The following RBFOX1 variants were observed in gnomAD, a reference collection of about 807,000 sequenced individuals.
RBFOX1 encodes RNA binding protein fox-1 homolog 1.
In RBFOX1, 8 loss-of-function variants were observed where a neutral mutation model predicts 57.7. The ratio of observed to expected loss-of-function variants is 0.14; its 90% CI spans 0.08 to 0.25. The LOEUF (loss-of-function observed/expected upper bound fraction) is 0.25. RBFOX1 is among the 10% of genes least tolerant of loss of function. RBFOX1 has a pLI of 1.00. For synonymous variants in RBFOX1, 326 were observed against 222.4 expected, an observed-to-expected ratio of 1.47 and a Z score of -4.15; for missense variants, 611 against 548.5, an observed-to-expected ratio of 1.11 and a Z score of -1.14.
At chr16:7,309,859 T>C (rs150495615) in intron 4 of RBFOX1, among the ~76,000 whole-genome samples, 6 of 152,088 alleles carry the variant, frequency 3.9e-5, no homozygotes, top group African/African-American at 1.4e-4. Flanking sequence ...AGCTGACAGG[T>C]GTGGGTGTAA....
chr16:7,508,510 G>GT (rs1567576854), intron 4 of RBFOX1, among the ~76,000 whole-genome samples: 1 of 152,122 alleles, frequency 6.6e-6, no homozygotes, highest in Admixed American at 6.6e-5. Flanking sequence ...TGTTTATGTG[G>GT]TTAGAGAGGG....
At chr16:5,891,492 T>C (rs1377811988) in intron 4 of RBFOX1, among the ~76,000 whole-genome samples, 1 of 152,224 alleles carries the variant, frequency 6.6e-6, no homozygotes, top group East Asian at 1.9e-4. Context: ...ACAAACTAAT[T>C]GTTTCAGTCA....
chr16:6,215,938 A>G (rs1335141129), intron 1 of RBFOX1, among the ~76,000 whole-genome samples: 3 of 152,186 alleles, frequency 2.0e-5, no homozygotes, highest in Non-Finnish European at 2.9e-5. Context: ...TCTAACTGGG[A>G]AGATCACAGC....
At chr16:5,979,389 A>C in intron 4 of RBFOX1, among the ~76,000 whole-genome samples, 1 of 152,256 alleles carries the variant, frequency 6.6e-6, no homozygotes. Context: ...TTATTTTGTT[A>C]TTTCCTTCTT....
chr16:6,214,557 G>GA (rs2097319789), intron 1 of RBFOX1, among the ~76,000 whole-genome samples: 1 of 120,464 alleles, frequency 8.3e-6, no homozygotes, highest in African/African-American at 3.3e-5. Context: ...AGGGAGAGGG[G>GA]GAGAGGGAGG....
chr16:6,698,761 T>C (rs564179536), intron 3 of RBFOX1, among the ~76,000 whole-genome samples: 1 of 152,240 alleles, frequency 6.6e-6, no homozygotes, highest in African/African-American at 2.4e-5. Context: ...CCTGTTTTCC[T>C]CCCCCACGGT....
intron 1 of RBFOX1, among the ~76,000 whole-genome samples, chr16:5,311,683 A>G (rs117348736): frequency 2.0e-5 from 3 of 152,134 alleles, no homozygotes; most frequent in Non-Finnish European, 4.4e-5. Flanking sequence ...TTTGTTGGTC[A>G]TTTGTATATC....
At chr16:6,835,080 G>C (rs1314883242) in intron 3 of RBFOX1, among the ~76,000 whole-genome samples, 1 of 151,910 alleles carries the variant, frequency 6.6e-6, no homozygotes, top group African/African-American at 2.4e-5. Context: ...TTTTTTAGTA[G>C]AGACGGGTTA....
chr16:6,587,519 T>G (rs999344384), intron 2 of RBFOX1, among the ~76,000 whole-genome samples: 2 of 152,098 alleles, frequency 1.3e-5, no homozygotes, highest in Non-Finnish European at 2.9e-5. Context: ...TGACCTAAAG[T>G]GATCCACCTG....
At chr16:6,638,213 ATT>A (rs1290482204) in intron 2 of RBFOX1, among the ~76,000 whole-genome samples, 1 of 152,292 alleles carries the variant, frequency 6.6e-6, no homozygotes, top group East Asian at 1.9e-4. Context: ...GAAACTTGGC[ATT>A]TGGGAAAGAG....
At chr16:7,314,166 A>C (rs1471638233) in intron 4 of RBFOX1, among the ~76,000 whole-genome samples, 1 of 152,172 alleles carries the variant, frequency 6.6e-6, no homozygotes, top group African/African-American at 2.4e-5. Flanking sequence ...ACTGAGAATG[A>C]TGGAGTGTAT....
At chr16:6,070,822 C>CA (rs2152484289) in intron 1 of RBFOX1, among the ~76,000 whole-genome samples, 2 of 151,858 alleles carry the variant, frequency 1.3e-5, no homozygotes, top group Admixed American at 1.3e-4. Context: ...CGCTCGCCCC[C>CA]CCCACACACA....
At chr16:6,721,814 AT>A (rs1160259878) in intron 3 of RBFOX1, 2 of 152,652 alleles carry the variant, frequency 1.3e-5, no homozygotes, top group African/African-American at 4.8e-5. Context: ...ATTCCCACTC[AT>A]TTCAGGGATC....
At chr16:6,833,834 GA>G (rs1321759562) in intron 3 of RBFOX1, among the ~76,000 whole-genome samples, 9 of 152,276 alleles carry the variant, frequency 5.9e-5, no homozygotes, top group Admixed American at 4.6e-4. Context: ...TAGGAAGAGA[GA>G]TGGAAAGGAG....
intron 2 of RBFOX1, among the ~76,000 whole-genome samples, chr16:6,376,615 G>T (rs1215817845): frequency 2.0e-4 from 31 of 152,042 alleles, no homozygotes. Context: ...TCTGTGTCCA[G>T]ATTTTCTTCC....
chr16:6,208,586 CA>C (rs2097270931), intron 1 of RBFOX1, among the ~76,000 whole-genome samples: 1 of 152,316 alleles, frequency 6.6e-6, no homozygotes, highest in East Asian at 1.9e-4. Context: ...TGATGTAGAT[CA>C]ATCAACCCAT....
chr16:5,350,122 G>A (rs1362489418), intron 1 of RBFOX1, among the ~76,000 whole-genome samples: 7 of 152,180 alleles, frequency 4.6e-5, no homozygotes, highest in African/African-American at 1.7e-4. Context: ...AATTTTTTCA[G>A]GGGGTTTCGG....
chr16:5,990,988 A>G lies in RBFOX1; in HGVS notation c.351+123653A>G, dbSNP rs116645470. Among the ~76,000 whole-genome samples, 1,147 of 152,304 alleles carry G rather than the reference A, an allele frequency of 7.5e-3. 26 individuals are homozygous for G. Among genetic ancestry groups the G allele is most frequent in the African/African-American group, 0.026 (1,091 of 41,552 alleles). ...AGACTCTGTCAGAGAGAGAAAAAAA[A>G]TACATTTGGTTATGCCTCCCATCAA... On this transcript the variant is annotated intron_variant, in intron 4 of 19. Coordinates refer to the RBFOX1 transcript ENST00000641259.
chr16:7,166,070 G>A (rs1455929038), intron 4 of RBFOX1, among the ~76,000 whole-genome samples: 1 of 152,078 alleles, frequency 6.6e-6, no homozygotes, highest in Non-Finnish European at 1.5e-5. Context: ...TTGGAGTGCA[G>A]TGGATTGATC....
Sources: allele counts gnomAD v4.1 joint callset (sites outside exome capture counted in the v4.1 genomes callset), GRCh38; gene constraint gnomAD v4.1.1; transcripts MANE v1.5; gene names NCBI Gene and HGNC (gene_info 2026-07-23, HGNC 2026-07-21).